Variants in HRH1 observed in about 807,000 individuals in gnomAD.
HRH1 encodes histamine H1 receptor.
Under a neutral mutation model 10.3 loss-of-function variants are expected in HRH1, and 6 were observed. The ratio of observed to expected loss-of-function variants is 0.58; its 90% CI spans 0.32 to 1.15. HRH1 has a LOEUF of 1.15. Among genes scored for constraint, HRH1 ranks in the 50% most tolerant of loss-of-function variants. HRH1 has a pLI of 0.05. For missense variants in HRH1, 514 were observed against 615.3 expected (o/e 0.84, Z 1.74); for synonymous variants, 242 against 236.7 (o/e 1.02, Z -0.21).
At chr3:11,171,297 G>A (rs577968451) in intron 1 of HRH1, among the ~76,000 whole-genome samples, 116 of 152,120 alleles carry the variant, frequency 7.6e-4, no homozygotes, top group Non-Finnish European at 1.4e-3. Flanking sequence ...TGTATTTTTA[G>A]TAGAGACAAG....
upstream of HRH1, among the ~76,000 whole-genome samples, chr3:11,153,635 G>T (rs1559253800): frequency 6.6e-6 from 1 of 152,052 alleles, no homozygotes; most frequent in Non-Finnish European, 1.5e-5. Flanking sequence ...TTTTCCCGGC[G>T]CTGAGAAGGC....
At chr3:11,170,256 T>C (rs922685415) in intron 1 of HRH1, among the ~76,000 whole-genome samples, 2 of 152,230 alleles carry the variant, frequency 1.3e-5, no homozygotes, top group African/African-American at 4.8e-5. Context: ...TCATGCCTTT[T>C]TAAAACTCAG....
intron 1 of HRH1, among the ~76,000 whole-genome samples, chr3:11,138,372 C>A (rs1936226464): frequency 6.6e-6 from 1 of 151,894 alleles, no homozygotes; most frequent in Non-Finnish European, 1.5e-5. Context: ...AACAACCCAG[C>A]CAAAAAATGG....
chr3:11,181,857 T>C (rs986912339), intron 1 of HRH1, among the ~76,000 whole-genome samples: 1 of 152,192 alleles, frequency 6.6e-6, no homozygotes, highest in African/African-American at 2.4e-5. Context: ...GGTCTCGATC[T>C]CCTGACCTCG....
intron 1 of HRH1, among the ~76,000 whole-genome samples, chr3:11,171,932 A>T (rs1215134699): frequency 6.6e-6 from 1 of 152,236 alleles, no homozygotes; most frequent in Non-Finnish European, 1.5e-5. Flanking sequence ...TGGTCTCCAG[A>T]GAAAATATAT....
chr3:11,195,611 C>T (rs892175800), intron 1 of HRH1, among the ~76,000 whole-genome samples: 1 of 152,234 alleles, frequency 6.6e-6, no homozygotes, highest in Non-Finnish European at 1.5e-5. Flanking sequence ...TGGATAATCT[C>T]TTCCTGGTGT....
Position 11,260,835 on chromosome 3 carries a change from T to C in HRH1, c.*334T>C, listed in dbSNP as rs572504650. On this transcript the variant is annotated 3_prime_UTR_variant, in exon 2 of 2. Transcript: ENST00000431010. ...GAACTCTCCTGCTCCTCAGGAACTA[T>C]GGGAGCCTCAGACTCATTGTAATTC... 1 of 254,088 alleles carries C rather than the reference T, an allele frequency of 3.9e-6. No homozygotes were observed. Among genetic ancestry groups the C allele is most frequent in the East Asian group, 8.6e-5 (1 of 11,658 alleles). The allele number at this position is 254,088 out of a possible 1,614,324, so 15.7% of individuals were successfully genotyped here.
chr3:11,138,814 A>G (rs1936235963), intron 1 of HRH1, among the ~76,000 whole-genome samples: 1 of 150,598 alleles, frequency 6.6e-6, no homozygotes, highest in South Asian at 2.1e-4. Context: ...AGCTGGGACT[A>G]CAAGTGTACA....
chr3:11,169,591 G>A (rs1267475067), intron 1 of HRH1, among the ~76,000 whole-genome samples: 2 of 152,058 alleles, frequency 1.3e-5, no homozygotes, highest in Non-Finnish European at 2.9e-5. Context: ...GTGGGGTAGG[G>A]AGCACCCCCT....
At chr3:11,200,871 G>C (rs1233807211) in intron 1 of HRH1, among the ~76,000 whole-genome samples, 1 of 152,154 alleles carries the variant, frequency 6.6e-6, no homozygotes, top group African/African-American at 2.4e-5. Context: ...AAAACTCCAT[G>C]ACTTAATATC....
intron 1 of HRH1, among the ~76,000 whole-genome samples, chr3:11,232,475 A>G (rs1575031408): frequency 1.3e-5 from 2 of 152,052 alleles, no homozygotes; most frequent in South Asian, 4.1e-4. Flanking sequence ...GTTCTATTCT[A>G]TTGATTTATG....
At chr3:11,186,441 TATC>T (rs911810423) in intron 1 of HRH1, among the ~76,000 whole-genome samples, 2 of 152,206 alleles carry the variant, frequency 1.3e-5, no homozygotes, top group African/African-American at 4.8e-5. Flanking sequence ...ATGGCATAGA[TATC>T]ATTATTATTA....
At chr3:11,197,082 G>A (rs1172634032) in intron 1 of HRH1, among the ~76,000 whole-genome samples, 7 of 145,430 alleles carry the variant, frequency 4.8e-5, no homozygotes, top group East Asian at 2.0e-4. Context: ...CTGAGATCGC[G>A]CCACTGCACT....
In HRH1 at chr3:11,237,489, C is replaced by T. The variant is rs1448490699; in HGVS notation, c.-35-21514C>T. Among the ~76,000 whole-genome samples, 11 of 151,990 alleles carry T rather than the reference C, an allele frequency of 7.2e-5. 1 individual carries two copies. Among genetic ancestry groups the T allele is most frequent in the South Asian group, 6.2e-4 (3 of 4,824 alleles). On this transcript the variant is annotated intron_variant, in intron 1 of 1. Coordinates refer to ENST00000431010, the MANE Select transcript of HRH1 (RefSeq NM_001098212.2). ...GTGCAGGCACCAAGCCCTAAAAACTCCAGAAGCCTCTCTTTCCACATCATT... is the reference window on the plus strand; with the variant it reads ...GTGCAGGCACCAAGCCCTAAAAACTTCAGAAGCCTCTCTTTCCACATCATT...
intron 1 of HRH1, among the ~76,000 whole-genome samples, chr3:11,188,426 A>C (rs1937484843): frequency 6.6e-6 from 1 of 152,110 alleles, no homozygotes; most frequent in African/African-American, 2.4e-5. Flanking sequence ...ACATGGCACA[A>C]CCCCAGGCAT....
At chr3:11,185,724 C>T (rs1270777921) in intron 1 of HRH1, among the ~76,000 whole-genome samples, 7 of 152,066 alleles carry the variant, frequency 4.6e-5, no homozygotes, top group African/African-American at 1.4e-4. Context: ...GGGGGAGCTC[C>T]GATGACACAG....
chr3:11,225,133 C>G (rs1938841270), intron 1 of HRH1, among the ~76,000 whole-genome samples: 1 of 152,204 alleles, frequency 6.6e-6, no homozygotes, highest in South Asian at 2.1e-4. Context: ...AAACTGAGGA[C>G]TTGGGCCCCT....
At chr3:11,209,284 T>C (rs1373922022) in intron 1 of HRH1, among the ~76,000 whole-genome samples, 1 of 152,132 alleles carries the variant, frequency 6.6e-6, no homozygotes, top group Non-Finnish European at 1.5e-5. Flanking sequence ...TAGAGGTAGG[T>C]TCTTGCTCTA....
intron 1 of HRH1, among the ~76,000 whole-genome samples, chr3:11,190,919 A>G (rs1424073245): frequency 6.6e-6 from 1 of 152,122 alleles, no homozygotes; most frequent in Non-Finnish European, 1.5e-5. Flanking sequence ...CTTGCCACAC[A>G]TGCTGCCTCC....
Sources: allele counts gnomAD v4.1 joint callset (sites outside exome capture counted in the v4.1 genomes callset), GRCh38; gene constraint gnomAD v4.1.1; transcripts MANE v1.5; gene names NCBI Gene and HGNC (gene_info 2026-07-23, HGNC 2026-07-21).